Variants in LRRC37A2 observed in about 807,000 individuals in gnomAD.
LRRC37A2 encodes the protein leucine rich repeat containing 37 member A2, also known as leucine-rich repeat-containing protein 37A2.
In LRRC37A2, 9 loss-of-function variants were observed where a neutral mutation model predicts 68.8. The ratio of observed to expected loss-of-function variants is 0.13; its 90% confidence interval spans 0.08 to 0.23. The LOEUF is 0.23. LRRC37A2 is among the 10% of genes least tolerant of loss of function. The probability of loss-of-function intolerance (pLI) is 1.00; values close to 1 mark genes in which losing one functional copy is unlikely to be tolerated. For synonymous variants in LRRC37A2, 63 were observed against 367.6 expected (o/e 0.17, Z 9.48); for missense variants, 168 against 950.4 (o/e 0.18, Z 10.82).
chr17:46,456,210 A>ATGTGTGTGTGTGTGTG, the LRRC37A2 span, among the ~76,000 whole-genome samples: 1 of 90,664 alleles, frequency 1.1e-5, no homozygotes, highest in East Asian at 3.1e-4. Flanking sequence ...TCCATGGGAT[A>ATGTGTGTGTGTGTGTG]TGTGTGTGTG....
the LRRC37A2 span, among the ~76,000 whole-genome samples, chr17:46,951,627 C>T: frequency 2.8e-4 from 42 of 152,300 alleles, 1 homozygote; most frequent in South Asian, 1.9e-3. Flanking sequence ...TCCATTCTTC[C>T]GGAACTTAGC....
At chr17:46,828,171 C>T in the LRRC37A2 span, among the ~76,000 whole-genome samples, 1 of 151,866 alleles carries the variant, frequency 6.6e-6, no homozygotes, top group Non-Finnish European at 1.5e-5. Context: ...CTCTCTGTCT[C>T]TCTCTTTTTT....
At chr17:46,750,352 A>G in the LRRC37A2 span, among the ~76,000 whole-genome samples, 1 of 152,122 alleles carries the variant, frequency 6.6e-6, no homozygotes, top group African/African-American at 2.4e-5. Flanking sequence ...AACTCTAACA[A>G]CAACAAAAAA....
chr17:46,770,184 G>C, the LRRC37A2 span: 1 of 1,230,568 alleles, frequency 8.1e-7, no homozygotes, highest in South Asian at 1.6e-5. Flanking sequence ...GAGGCAAGAG[G>C]GAGGCAGCTT....
the LRRC37A2 span, among the ~76,000 whole-genome samples, chr17:46,490,836 G>T: frequency 4.0e-5 from 6 of 150,306 alleles, no homozygotes; most frequent in Admixed American, 2.0e-4. Flanking sequence ...CTCTCATTAG[G>T]TAACCATCTT....
At chr17:46,875,028 G>T in the LRRC37A2 span, 1 of 1,611,434 alleles carries the variant, frequency 6.2e-7, no homozygotes, top group Non-Finnish European at 8.5e-7. Context: ...AGGGCGGCAG[G>T]CAACCTCTAA....
the LRRC37A2 span, among the ~76,000 whole-genome samples, chr17:46,717,494 T>G: frequency 6.6e-6 from 1 of 152,064 alleles, no homozygotes; most frequent in Non-Finnish European, 1.5e-5. Flanking sequence ...GGGGGGATCA[T>G]GAGGTCAGGA....
chr17:46,979,115 G>T, the LRRC37A2 span: 1 of 1,136,196 alleles, frequency 8.8e-7, no homozygotes, highest in Non-Finnish European at 1.1e-6. Flanking sequence ...GGCTCCTGCG[G>T]TACGGGGAGG....
chr17:46,736,390 C>T, the LRRC37A2 span, among the ~76,000 whole-genome samples: 1 of 152,198 alleles, frequency 6.6e-6, no homozygotes, highest in Non-Finnish European at 1.5e-5. Context: ...TGGTGCTTCA[C>T]AGTTTCTTTC....
At chr17:46,876,447 G>A in the LRRC37A2 span, 5 of 1,613,704 alleles carry the variant, frequency 3.1e-6, no homozygotes, top group East Asian at 4.5e-5. Context: ...GCCAGGCAGG[G>A]CAGCCTCACC....
the LRRC37A2 span, among the ~76,000 whole-genome samples, chr17:46,880,730 C>T: frequency 6.6e-6 from 1 of 152,026 alleles, no homozygotes; most frequent in Admixed American, 6.5e-5. Flanking sequence ...GATTTTTTTC[C>T]TCTGTACACT....
chr17:47,000,215 T>C, the LRRC37A2 span, among the ~76,000 whole-genome samples: 1 of 147,554 alleles, frequency 6.8e-6, no homozygotes, highest in East Asian at 2.0e-4. Flanking sequence ...TCAATGTATG[T>C]TGACAATTGC....
At chr17:46,799,039 T>C in the LRRC37A2 span, among the ~76,000 whole-genome samples, 3 of 112,930 alleles carry the variant, frequency 2.7e-5, no homozygotes, top group Admixed American at 1.0e-4. Flanking sequence ...AGAGCAAGAC[T>C]CCGTCTCAAA....
chr17:46,819,465 C>T, the LRRC37A2 span, among the ~76,000 whole-genome samples: 1 of 152,172 alleles, frequency 6.6e-6, no homozygotes, highest in Non-Finnish European at 1.5e-5. This position sits in a 1 kb window ranked among gnomAD's most constrained non-coding sequence, Gnocchi z 5.3. Flanking sequence ...GGGTCACTTT[C>T]TCCTCCTTGA....
At chr17:46,713,225 C>G in the LRRC37A2 span, 7 of 152,162 alleles carry the variant, frequency 4.6e-5, no homozygotes, top group Non-Finnish European at 7.3e-5. Flanking sequence ...AGGAAGAAGT[C>G]GAACATATGG....
At chr17:46,935,231 G>A in the LRRC37A2 span, 2 of 1,606,284 alleles carry the variant, frequency 1.2e-6, no homozygotes, top group Non-Finnish European at 8.5e-7. Flanking sequence ...CAACAGTTTA[G>A]TAACTGTGTT....
the LRRC37A2 span, among the ~76,000 whole-genome samples, chr17:46,719,929 T>A: frequency 6.6e-6 from 1 of 152,242 alleles, no homozygotes; most frequent in African/African-American, 2.4e-5. The surrounding 1 kb of genome is among the most constrained non-coding windows in gnomAD (Gnocchi z 4.3). Context: ...AGTCTTATTT[T>A]CAAAGGATTG....
the LRRC37A2 span, among the ~76,000 whole-genome samples, chr17:46,947,334 C>A: frequency 6.6e-6 from 1 of 152,202 alleles, no homozygotes; most frequent in South Asian, 2.1e-4. Context: ...GAGCACCTGG[C>A]AACCTGAACT....
the LRRC37A2 span, among the ~76,000 whole-genome samples, chr17:46,781,227 C>G: frequency 5.4e-5 from 3 of 55,386 alleles, no homozygotes; most frequent in Admixed American, 1.8e-4. Flanking sequence ...CTCTGTCCCC[C>G]CAACCAAAAA....
Sources: gnomAD v4.1 joint callset for allele counts (sites outside exome capture counted in the v4.1 genomes callset) on GRCh38, gnomAD v4.1.1 for gene constraint, Gnocchi (gnomAD v3.1) non-coding constraint, MANE v1.5 for transcripts, NCBI Gene and HGNC (gene_info 2026-07-23, HGNC 2026-07-21) for gene names.